The following LRAT variants were observed in gnomAD, a reference collection of about 807,000 sequenced individuals.
The protein encoded by LRAT is lecithin retinol acyltransferase (phosphatidylcholine--retinol O-acyltransferase).
In LRAT, 11 loss-of-function variants were observed where a neutral mutation model predicts 14.2. The observed-to-expected ratio is 0.78, with a 90% CI of 0.49 to 1.29. The LOEUF is 1.29. Ranked by LOEUF, LRAT falls within the 50% of genes most tolerant of loss-of-function variation. The pLI, the probability that LRAT is intolerant of heterozygous loss-of-function variation, is 0.00. For synonymous variants in LRAT, 144 were observed against 124.8 expected, an observed-to-expected ratio of 1.15 and a Z score of -1.03; for missense variants, 274 against 292.4, an observed-to-expected ratio of 0.94 and a Z score of 0.46.
At position 154,749,360 on chromosome 4, in the gene LRAT, G is replaced by A; in HGVS notation, c.*224G>A. 1 of 529,604 alleles carries A rather than the reference G, an allele frequency of 1.9e-6. No homozygotes were observed. Among genetic ancestry groups the A allele is most frequent in the South Asian group, 2.1e-5 (1 of 47,494 alleles). 32.8% of individuals were successfully genotyped at this position (529,604 alleles called of 1,614,324 possible). A position where few individuals can be genotyped will look rare whatever the true frequency, so the allele number is the denominator to read the frequency against. The stretch of plus-strand genomic sequence containing the variant: ...AGATTTAAAGCACCATCCAAACCTT[G>A]GAAATACGACAGGGTGTGGTAGAAT... On this transcript the variant is annotated 3_prime_UTR_variant, in exon 3 of 3. Transcript: ENST00000336356.
At chr4:154,744,910 C>G (rs764092378) in intron 2 of LRAT, 44 bp downstream of exon 2, 3 of 1,594,140 alleles carry the variant, frequency 1.9e-6, no homozygotes, top group South Asian at 2.2e-5. Flanking sequence ...CGCGGAGATG[C>G]CCCCTCCCAT....
chr4:154,742,050 T>C (rs1474798675), upstream of LRAT, among the ~76,000 whole-genome samples: 1 of 151,754 alleles, frequency 6.6e-6, no homozygotes, highest in African/African-American at 2.4e-5. Flanking sequence ...CAGTTCAGAG[T>C]GTGAGGTCGG....
rs749573158 is a variant in LRAT at position 154,749,024 on chromosome 4, G to C, written c.581G>C (p.Ser194Thr). The C allele has an allele frequency of 9.9e-6, 16 of 1,613,800 alleles. No individual in the cohort carries two copies. The South Asian group carries it at 1.8e-4, about 18-fold the overall frequency. ...AAGATAATTATTCGTGATCAGAGAAGTGTTCTTGCTTCAGCAGTCTTGGGA... is the reference window on the plus strand; with the variant it reads ...AAGATAATTATTCGTGATCAGAGAACTGTTCTTGCTTCAGCAGTCTTGGGA... ...TVKIIIRDQR[S>T]VLASAVLGLA... The change falls in exon 3 of 3, where the codon AGT becomes ACT. Residue 194 changes from serine (S) to threonine (T), a missense_variant. Ser to Thr is a moderately conservative substitution (Grantham distance 58). Transcript: ENST00000336356.
chr4:154,752,281 C>T lies in LRAT; in HGVS notation c.*3145C>T, dbSNP rs1333791507. On this transcript the variant is annotated 3_prime_UTR_variant, in exon 3 of 3. Transcript: ENST00000336356. ...GCACTGGAAATAGCATGAACAAATG[C>T]ATGAAAATTGCCTACAACATGCCTG... 1 of 152,202 alleles carries T rather than the reference C, an allele frequency of 6.6e-6. No individual in the cohort carries two copies. The highest frequency in any genetic ancestry group is 1.9e-4 in the East Asian group (1 of 5,196). 9.4% of individuals were successfully genotyped at this position (152,202 alleles called of 1,614,324 possible). A position where few individuals can be genotyped will look rare whatever the true frequency, so the allele number is the denominator to read the frequency against.
At chr4:154,741,475 T>C (rs751720968), upstream of LRAT, among the ~76,000 whole-genome samples, 8 of 152,158 alleles carry the variant, frequency 5.3e-5, no homozygotes, top group Non-Finnish European at 1.2e-4. Flanking sequence ...GCTTAAAAAA[T>C]TGGAATTTAT....
intron 2 of LRAT, among the ~76,000 whole-genome samples, chr4:154,746,561 C>G (rs566045687): frequency 2.0e-5 from 3 of 152,212 alleles, no homozygotes; most frequent in Admixed American, 6.5e-5. Context: ...TTTACAAACA[C>G]GGGCTCCCAA....
intron 2 of LRAT, among the ~76,000 whole-genome samples, chr4:154,746,399 T>C (rs1358280183): frequency 1.3e-5 from 2 of 152,216 alleles, no homozygotes; most frequent in Non-Finnish European, 2.9e-5. Flanking sequence ...TATAGATCGG[T>C]GTATGAAACT....
In LRAT at chr4:154,744,548, G is replaced by T. The variant is rs1370759043; in HGVS notation, c.222G>T (p.Met74Ile). 2 of 1,614,116 alleles carry T rather than the reference G, an allele frequency of 1.2e-6. No individual in the cohort carries two copies. Among genetic ancestry groups the T allele is most frequent in the Admixed American group, 1.7e-5 (1 of 60,008 alleles). ...YLGDNRVAHM[M>I]PDILLALTDD... is the part of the protein sequence containing the mutation. Reference sequence around the variant, plus strand: ...GAGACAACCGTGTTGCCCACATGATGCCCGACATCCTGTTGGCCCTGACAG... The same window carrying T: ...GAGACAACCGTGTTGCCCACATGATTCCCGACATCCTGTTGGCCCTGACAG... Residue 74 changes from methionine (M) to isoleucine (I), a missense_variant, in exon 2 of 3, where the codon ATG becomes ATT. By Grantham distance (10) the Met-to-Ile change is conservative. Coordinates refer to ENST00000336356, the MANE Select transcript of LRAT (RefSeq NM_004744.5).
At chr4:154,742,728 C>T (rs1435797272), upstream of LRAT, among the ~76,000 whole-genome samples, 4 of 152,320 alleles carry the variant, frequency 2.6e-5, no homozygotes, top group South Asian at 6.2e-4. Flanking sequence ...GGCTCCCTCA[C>T]CCGGCAGCTC....
At chr4:154,743,364 G>T (rs1393073777), upstream of LRAT, among the ~76,000 whole-genome samples, 3 of 151,912 alleles carry the variant, frequency 2.0e-5, no homozygotes, top group South Asian at 2.1e-4. Context: ...AGCCAGGCGT[G>T]GTGCCTGTAA....
intron 1 of LRAT, 44 bp from the exon 2 acceptor site, chr4:154,744,282 C>A (rs761342487): frequency 1.2e-6 from 2 of 1,604,216 alleles, no homozygotes; most frequent in South Asian, 2.2e-5. Context: ...CGGCCCCTGC[C>A]GGAGTGGCAC....
At chr4:154,742,821 C>T (rs1234839606), upstream of LRAT, among the ~76,000 whole-genome samples, 2 of 152,006 alleles carry the variant, frequency 1.3e-5, no homozygotes, top group Admixed American at 6.6e-5. Flanking sequence ...AAGTACTTCG[C>T]CTTCCTTGGC....
At chr4:154,743,818 T>G (rs1578859322), upstream of LRAT, among the ~76,000 whole-genome samples, 1 of 151,978 alleles carries the variant, frequency 6.6e-6, no homozygotes, top group Admixed American at 6.5e-5. Context: ...AGAATCACTG[T>G]GCAGAACCCT....
At chr4:154,748,916 T>C (rs183580721) in intron 2 of LRAT, 68 bp from the exon 3 acceptor site, 17 of 1,423,442 alleles carry the variant, frequency 1.2e-5, no homozygotes, top group Non-Finnish European at 1.7e-5. Context: ...ACTGATTTAC[T>C]GTTTGATATA....
Position 154,749,205 on chromosome 4 carries a change from A to G in LRAT, c.*69A>G. The G allele has an allele frequency of 4.0e-6, 6 of 1,510,992 alleles. No homozygotes were observed. The highest frequency in any genetic ancestry group is 2.3e-5 in the South Asian group (2 of 88,708). The allele number at this position is 1,510,992 out of a possible 1,614,324, so 93.6% of individuals were successfully genotyped here. On this transcript the variant is annotated 3_prime_UTR_variant, in exon 3 of 3. Coordinates refer to ENST00000336356, the MANE Select transcript of LRAT (RefSeq NM_004744.5). ...GTTTATATTTATAGAGCATCAATCA[A>G]TATAAGCATTATTGAGAAAAATGTG...
intron 2 of LRAT, among the ~76,000 whole-genome samples, chr4:154,748,702 T>C (rs3775785): frequency 0.13 from 20,115 of 152,126 alleles, 1,761 homozygotes; most frequent in Admixed American, 0.28. Flanking sequence ...AAACCTTTAG[T>C]CCTGAATAAC....
rs912698777 is a variant in LRAT, at chr4:154,750,595, C to G, written c.*1459C>G. ...ATTTTAGATTAATAATGTTTTATCA[C>G]CACTAATTTGCCCACAACAAACTCA... On this transcript the variant is annotated 3_prime_UTR_variant, in exon 3 of 3. Coordinates refer to ENST00000336356, the MANE Select transcript of LRAT (RefSeq NM_004744.5). 16 of 151,942 alleles carry G rather than the reference C, an allele frequency of 1.1e-4. 1 individual carries two copies. The highest frequency in any genetic ancestry group is 1.0e-3 in the Admixed American group (16 of 15,258). The allele number at this position is 151,942 out of a possible 1,614,324, so 9.4% of individuals were successfully genotyped here.
chr4:154,747,284 A>T (rs1229937672), intron 2 of LRAT, among the ~76,000 whole-genome samples: 1 of 152,142 alleles, frequency 6.6e-6, no homozygotes, highest in African/African-American at 2.4e-5. Context: ...AAATAATGGG[A>T]TTTTTATAAT....
chr4:154,753,102 A>AAGTT lies in LRAT; in HGVS notation c.*3968_*3971dup, dbSNP rs1388489435. ...ATTTGGTATACATGCATGTCAAATA[A>AAGTT]AGTTAATTTTACATACTATTCTCTC... On this transcript the variant is annotated 3_prime_UTR_variant, in exon 3 of 3. Transcript: ENST00000336356. 1 of 152,190 alleles carries AAGTT rather than the reference A, an allele frequency of 6.6e-6. No individual in the cohort carries two copies. Among genetic ancestry groups the AAGTT allele is most frequent in the Non-Finnish European group, 1.5e-5 (1 of 68,028 alleles). 9.4% of individuals were successfully genotyped at this position (152,190 alleles called of 1,614,324 possible). A position where few individuals can be genotyped will look rare whatever the true frequency, so the allele number is the denominator to read the frequency against.
Sources: gnomAD v4.1 joint callset for allele counts (sites outside exome capture counted in the v4.1 genomes callset) on GRCh38, gnomAD v4.1.1 for gene constraint, MANE v1.5 for transcripts, NCBI Gene and HGNC (gene_info 2026-07-23, HGNC 2026-07-21) for gene names.